Variants in PLA2R1 observed in about 807,000 individuals in gnomAD.
PLA2R1 encodes the protein secretory phospholipase A2 receptor.
A neutral mutation model predicts 195.9 loss-of-function variants in PLA2R1; 158 were observed. The ratio of observed to expected loss-of-function variants is 0.81; its 90% CI spans 0.71 to 0.92. The LOEUF (loss-of-function observed/expected upper bound fraction) is 0.92, where lower values mean the gene tolerates loss of function less well. Among genes scored for constraint, PLA2R1 ranks in the 40% least tolerant of loss-of-function variants. The pLI is 0.00. For synonymous variants in PLA2R1, 586 were observed against 598.2 expected, an observed-to-expected ratio of 0.98 and a Z score of 0.30; for missense variants, 1,626 against 1,764.6, an observed-to-expected ratio of 0.92 and a Z score of 1.41.
chr2:159,971,986 ATGGGTCCACTGAGAC>A (rs913824772), intron 17 of PLA2R1, among the ~76,000 whole-genome samples: 2 of 152,164 alleles, frequency 1.3e-5, no homozygotes, highest in Non-Finnish European at 2.9e-5. Flanking sequence ...AGACGTTGGA[ATGGGTCCACTGAGAC>A]TGGCTGTTAA....
intron 12 of PLA2R1, among the ~76,000 whole-genome samples, chr2:159,984,405 T>A (rs1690184112): frequency 6.6e-6 from 1 of 152,158 alleles, no homozygotes; most frequent in African/African-American, 2.4e-5. Flanking sequence ...ATAAATAAAG[T>A]CAGGCCAAGA....
At position 159,940,924 on chromosome 2, in the gene PLA2R1, T is replaced by TA. The variant is rs1448978789; in HGVS notation, c.*853dup. Reference sequence around the variant, plus strand: ...GTTACATTTTATATCTTCCAGTTATTAAGAGTGTTACATATTATTTTATAT... The same window carrying TA: ...GTTACATTTTATATCTTCCAGTTATTAAAGAGTGTTACATATTATTTTATAT... On this transcript the variant is annotated 3_prime_UTR_variant, in exon 30 of 30. Transcript: ENST00000283243. 1 of 152,200 alleles carries TA rather than the reference T, an allele frequency of 6.6e-6. No homozygotes were observed. The highest frequency in any genetic ancestry group is 1.9e-4 in the East Asian group (1 of 5,198). 9.4% of individuals were successfully genotyped at this position (152,200 alleles called of 1,614,324 possible).
At chr2:159,927,552 T>G (rs1686520959), downstream of PLA2R1, among the ~76,000 whole-genome samples, 1 of 152,214 alleles carries the variant, frequency 6.6e-6, no homozygotes, top group Non-Finnish European at 1.5e-5. Flanking sequence ...GGGTTCCTGA[T>G]TCTCCCTTCT....
chr2:159,981,701 A>G (rs1689966403), intron 13 of PLA2R1, among the ~76,000 whole-genome samples: 1 of 152,136 alleles, frequency 6.6e-6, no homozygotes, highest in African/African-American at 2.4e-5. Context: ...CACTGCACCC[A>G]GTCAAGAATT....
At chr2:159,987,392 A>G in intron 11 of PLA2R1, 34 bp from the exon 12 acceptor site, 1 of 1,478,462 alleles carries the variant, frequency 6.8e-7, no homozygotes, top group Non-Finnish European at 9.3e-7. Context: ...TTAATACCAG[A>G]CGACTAAAAC....
At chr2:160,001,567 A>T (rs1291762291) in intron 11 of PLA2R1, among the ~76,000 whole-genome samples, 1 of 152,050 alleles carries the variant, frequency 6.6e-6, no homozygotes, top group African/African-American at 2.4e-5. Flanking sequence ...TATAAGTGAT[A>T]CATTAACTCT....
chr2:159,955,666 G>C, intron 22 of PLA2R1, 32 bp downstream of exon 22: 8 of 1,240,430 alleles, frequency 6.4e-6, no homozygotes, highest in Non-Finnish European at 7.6e-6. Flanking sequence ...TCTTGCCAAA[G>C]TGATCTCCAA....
intron 1 of PLA2R1, among the ~76,000 whole-genome samples, chr2:160,050,182 T>G (rs969473515): frequency 2.6e-5 from 4 of 152,020 alleles, no homozygotes; most frequent in African/African-American, 7.2e-5. Flanking sequence ...AGAAAGAAAA[T>G]AAACCCAAAT....
chr2:160,038,311 A>AAGGT (rs1694297580), intron 3 of PLA2R1, among the ~76,000 whole-genome samples: 2 of 152,238 alleles, frequency 1.3e-5, no homozygotes, highest in African/African-American at 4.8e-5. Context: ...ATCACCTAGA[A>AAGGT]GTTTGTTAAA....
intron 11 of PLA2R1, among the ~76,000 whole-genome samples, chr2:159,991,127 A>C (rs2715931): frequency 0.82 from 124,041 of 152,130 alleles, 50,717 homozygotes; most frequent in East Asian, 0.87. Context: ...AGTTGAATAA[A>C]TGAATGAATG....
intron 1 of PLA2R1, among the ~76,000 whole-genome samples, chr2:160,059,308 T>C (rs17831329): frequency 0.3 from 45,804 of 151,966 alleles, 8,691 homozygotes; most frequent in Non-Finnish European, 0.42. Context: ...GAGCTAGAGG[T>C]AGGAGGAGAT....
chr2:159,948,126 C>T (rs1399658048), intron 25 of PLA2R1, among the ~76,000 whole-genome samples: 1 of 152,176 alleles, frequency 6.6e-6, no homozygotes, highest in South Asian at 2.1e-4. Flanking sequence ...GCTGAGATCC[C>T]GGCTCCACCA....
At chr2:160,041,905 A>C (rs1663463063) in intron 3 of PLA2R1, 120 bp downstream of exon 3, 1 of 762,510 alleles carries the variant, frequency 1.3e-6, no homozygotes, top group Non-Finnish European at 2.2e-6. Flanking sequence ...TGTTAATAGC[A>C]TCAGGGTTCT....
In PLA2R1 at chr2:160,028,946, T is replaced by A. The variant is rs202232002; in HGVS notation, c.859A>T (p.Thr287Ser). 252 of 1,583,980 alleles carry A rather than the reference T, an allele frequency of 1.6e-4. No homozygotes were observed. Among genetic ancestry groups the A allele is most frequent in the Non-Finnish European group, 1.3e-5 (15 of 1,151,534 alleles). Residue 287 changes from threonine to serine, a missense_variant, in exon 5 of 30, where the codon ACA becomes TCA. Physicochemically the swap from Thr to Ser is moderately conservative, Grantham distance 58 (BLOSUM62 1). Coordinates refer to ENST00000283243, the MANE Select transcript of PLA2R1 (RefSeq NM_007366.5). ...TTGAGGCCCATCCACACCTCCACTG[T>A]TTTACTGCTCATGTGCTCTGAAATG... ...NFIREHMSSKTVEVWMGLNQL... is the reference protein window; with the variant it reads ...NFIREHMSSKSVEVWMGLNQL...
intron 3 of PLA2R1, among the ~76,000 whole-genome samples, chr2:160,038,107 T>C (rs1190185942): frequency 6.6e-6 from 1 of 152,206 alleles, no homozygotes; most frequent in Admixed American, 6.5e-5. Flanking sequence ...GAGGAGACAG[T>C]GCCCTGAAGA....
rs1688987107 is a variant in PLA2R1 at position 159,969,261 on chromosome 2, A to G, written c.2759T>C (p.Ile920Thr). The change falls in exon 19 of 30, where the codon ATA becomes ACA. Residue 920 changes from isoleucine to threonine, a missense_variant. Physicochemically the swap from Ile to Thr is moderately conservative, Grantham distance 89. Coordinates refer to ENST00000283243, the MANE Select transcript of PLA2R1 (RefSeq NM_007366.5). ...QSQRCGFISS[I>T]TGLWGSEECS... ...AAATGGGTAAGTAAAATAACCTGTTATAGAAGAAATAAAGCCACATCTCTG... is the reference window on the plus strand; with the variant it reads ...AAATGGGTAAGTAAAATAACCTGTTGTAGAAGAAATAAAGCCACATCTCTG... 4.5e-6 allele frequency: 7 copies of G among 1,565,450 alleles called. No homozygotes were observed. In the East Asian group the frequency reaches 6.7e-5, roughly 15 times the overall value.
intron 9 of PLA2R1, 134 bp downstream of exon 9, chr2:160,016,477 GGGT>G (rs201688217): frequency 9.5e-5 from 56 of 587,530 alleles, no homozygotes; most frequent in Non-Finnish European, 1.1e-4. Flanking sequence ...AAGAAGGGGG[GGGT>G]GCGAGGAGAG....
At chr2:159,928,493 G>A (rs981154641), downstream of PLA2R1, among the ~76,000 whole-genome samples, 2 of 152,156 alleles carry the variant, frequency 1.3e-5, no homozygotes, top group African/African-American at 4.8e-5. Context: ...AAACACTGCT[G>A]AAAGAAAGCA....
At chr2:159,983,672 A>T (rs571168411) in intron 13 of PLA2R1, among the ~76,000 whole-genome samples, 3 of 152,274 alleles carry the variant, frequency 2.0e-5, no homozygotes, top group Middle Eastern at 6.8e-3. Context: ...TTGGCAGGAA[A>T]GCTCTACAGT....
Sources: gnomAD v4.1 joint callset for allele counts (sites outside exome capture counted in the v4.1 genomes callset) on GRCh38, gnomAD v4.1.1 for gene constraint, MANE v1.5 for transcripts, NCBI Gene and HGNC (gene_info 2026-07-23, HGNC 2026-07-21) for gene names.